Variants in TENM1 observed in about 807,000 individuals in gnomAD.
The protein encoded by TENM1 is teneurin-1.
TENM1 carries 35 observed loss-of-function variants against 174.8 expected under a neutral mutation model. The observed-to-expected ratio is 0.20, with a 90% CI of 0.15 to 0.27. The LOEUF is 0.27. Among genes scored for constraint, TENM1 ranks in the 10% least tolerant of loss-of-function variants. The pLI is 1.00. For synonymous variants in TENM1, 781 were observed against 798.7 expected (o/e 0.98, Z 0.37); for missense variants, 1,633 against 2,130.1 (o/e 0.77, Z 4.59).
At chrX:125,192,295 A>C in the TENM1 span, among the ~76,000 whole-genome samples, 1 of 112,270 alleles carries the variant, frequency 8.9e-6, no homozygotes, top group African/African-American at 3.2e-5. Context: ...TTGAGGGGGG[A>C]CATAGCAAGA....
At chrX:124,906,254 C>T (rs2057746467) in intron 1 of TENM1, among the ~76,000 whole-genome samples, 1 of 111,560 alleles carries the variant, frequency 9.0e-6, no homozygotes, top group South Asian at 3.7e-4. Context: ...AAATGAAAAA[C>T]AGAATGGTTG....
chrX:125,090,532 G>A, the TENM1 span, among the ~76,000 whole-genome samples: 3 of 109,913 alleles, frequency 2.7e-5, no homozygotes, highest in Admixed American at 9.7e-5. Flanking sequence ...GTACACTCCT[G>A]TAGACACAGC....
chrX:124,529,765 G>T (rs2048064187), intron 16 of TENM1, 99 bp downstream of exon 19: 1 of 1,054,874 alleles, frequency 9.5e-7, no homozygotes, highest in Non-Finnish European at 1.3e-6. Context: ...CTTGAAGAAA[G>T]ATGGGTTTAC....
the TENM1 span, among the ~76,000 whole-genome samples, chrX:125,047,068 T>C: frequency 9.0e-6 from 1 of 111,419 alleles, no homozygotes; most frequent in African/African-American, 3.3e-5. Flanking sequence ...ATTTTATGCA[T>C]ATATTTCTGC....
chrX:124,816,994 C>A lies in TENM1; in HGVS notation c.535+77302G>T, dbSNP rs944169560. 3.6e-5 allele frequency among the ~76,000 whole-genome samples: 4 copies of A among 110,508 alleles called. No individual in the cohort carries two copies. The East Asian group carries it at 1.1e-3, about 31-fold the overall frequency. On this transcript the variant is annotated intron_variant, in intron 3 of 31. Transcript: ENST00000422452. ...ATGGTGGTTTGCTGCACCCATCAACCTGTCATCTACATTAGGTATTTCTTC... is the reference window on the plus strand; with the variant it reads ...ATGGTGGTTTGCTGCACCCATCAACATGTCATCTACATTAGGTATTTCTTC...
intron 18 of TENM1, among the ~76,000 whole-genome samples, chrX:124,505,517 G>A (rs780125998): frequency 4.4e-4 from 49 of 111,299 alleles, no homozygotes; most frequent in Middle Eastern, 9.3e-3. Context: ...CTCTGGTAAA[G>A]TGCAAAGAGT....
At chrX:124,498,849 T>C (rs745961919) in intron 19 of TENM1, among the ~76,000 whole-genome samples, 10 of 111,473 alleles carry the variant, frequency 9.0e-5, no homozygotes, top group Non-Finnish European at 1.7e-4. Flanking sequence ...TCTGTCTTAC[T>C]CCTTTCTGCA....
At chrX:124,588,567 A>T (rs2049621447) in intron 11 of TENM1, among the ~76,000 whole-genome samples, 1 of 109,481 alleles carries the variant, frequency 9.1e-6, no homozygotes, top group South Asian at 4.1e-4. Flanking sequence ...GGGGAGGGAT[A>T]GCTTTAGGAG....
At chrX:124,854,363 G>C (rs918015663) in intron 3 of TENM1, among the ~76,000 whole-genome samples, 2 of 110,871 alleles carry the variant, frequency 1.8e-5, no homozygotes, top group Non-Finnish European at 3.8e-5. Flanking sequence ...GGAAAGGGTA[G>C]GAGGTGGGTG....
At chrX:124,600,139 C>T (rs972438481) in intron 11 of TENM1, among the ~76,000 whole-genome samples, 22 of 110,126 alleles carry the variant, frequency 2.0e-4, no homozygotes, top group African/African-American at 6.6e-4. Context: ...CACCTAGTGC[C>T]GAGAACAGAA....
the TENM1 span, among the ~76,000 whole-genome samples, chrX:125,201,082 T>C: frequency 8.9e-6 from 1 of 112,354 alleles, no homozygotes; most frequent in Non-Finnish European, 1.9e-5. Context: ...AGAAACAACA[T>C]ATCAGGAATG....
In TENM1 at chrX:124,420,266, C is replaced by T. The variant is rs202020412; in HGVS notation, c.4982+45G>A. Reference sequence around the variant, plus strand: ...GCATTTTCCCAGTATAATACAATTTCAAATAAAAACCTAACAAAGCCCATG... The same window carrying T: ...GCATTTTCCCAGTATAATACAATTTTAAATAAAAACCTAACAAAGCCCATG... On this transcript the variant is annotated intron_variant, in intron 25 of 31. Coordinates refer to ENST00000422452, the Ensembl canonical transcript of TENM1. The T allele has an allele frequency of 1.9e-3, 2,148 of 1,147,270 alleles. 1 individual carries two copies. Among genetic ancestry groups the T allele is most frequent in the Non-Finnish European group, 2.3e-3 (1,994 of 857,437 alleles). The allele number at this position is 1,147,270 out of a possible 1,213,427, so 94.5% of individuals were successfully genotyped here.
chrX:124,565,642 A>C, intron 11 of TENM1, 82 bp from the exon 15 acceptor site: 1 of 609,746 alleles, frequency 1.6e-6, no homozygotes, highest in Non-Finnish European at 2.3e-6. Flanking sequence ...ATAATTACCA[A>C]AAATCCCTGT....
chrX:125,154,262 T>C, the TENM1 span, among the ~76,000 whole-genome samples: 1 of 111,968 alleles, frequency 8.9e-6, no homozygotes, highest in Non-Finnish European at 1.9e-5. Flanking sequence ...CATATTTAAA[T>C]TGGAGTCATA....
the TENM1 span, among the ~76,000 whole-genome samples, chrX:125,058,100 T>C: frequency 3.6e-5 from 4 of 111,941 alleles, no homozygotes; most frequent in East Asian, 5.6e-4. Context: ...GCAGCATTTA[T>C]GACAAACATG....
At chrX:124,804,183 A>T (rs1415469535) in intron 3 of TENM1, among the ~76,000 whole-genome samples, 1 of 112,303 alleles carries the variant, frequency 8.9e-6, no homozygotes, top group East Asian at 2.8e-4. Context: ...TGCCAGGAAT[A>T]ACACATTCAT....
chrX:124,857,768 A>C (rs1467768343), intron 3 of TENM1, among the ~76,000 whole-genome samples: 1 of 110,949 alleles, frequency 9.0e-6, no homozygotes, highest in East Asian at 2.8e-4. Flanking sequence ...GCTGTTAAAA[A>C]AAAAACCCAA....
At chrX:124,542,588 A>T (rs1214524703) in intron 15 of TENM1, among the ~76,000 whole-genome samples, 1 of 111,666 alleles carries the variant, frequency 9.0e-6, no homozygotes, top group African/African-American at 3.3e-5. Context: ...TTAGATCTTT[A>T]AGCTGTTCTT....
chrX:125,063,218 C>T, the TENM1 span, among the ~76,000 whole-genome samples: 1 of 111,901 alleles, frequency 8.9e-6, no homozygotes, highest in African/African-American at 3.2e-5. Flanking sequence ...GAGACAGATA[C>T]AAAGAGACTT....
Sources: gnomAD v4.1 joint callset for allele counts (sites outside exome capture counted in the v4.1 genomes callset) on GRCh38, gnomAD v4.1.1 for gene constraint, MANE v1.5 for transcripts, NCBI Gene and HGNC (gene_info 2026-07-23, HGNC 2026-07-21) for gene names.